The following PRKAR2A variants were observed in gnomAD, a reference collection of about 807,000 sequenced individuals.
The protein encoded by PRKAR2A is cAMP-dependent protein kinase type II-alpha regulatory subunit.
PRKAR2A carries 29 observed loss-of-function variants against 51.9 expected under a neutral mutation model. That is an observed-to-expected ratio of 0.56 (90% CI 0.42 to 0.76). The LOEUF is 0.76. Among genes scored for constraint, PRKAR2A ranks in the 30% least tolerant of loss-of-function variants. The pLI, the probability that PRKAR2A is intolerant of heterozygous loss-of-function variation, is 0.00. For missense variants in PRKAR2A, 445 were observed against 512.1 expected (o/e 0.87, Z 1.26); for synonymous variants, 178 against 186.2 (o/e 0.96, Z 0.36).
intron 2 of PRKAR2A, among the ~76,000 whole-genome samples, chr3:48,801,753 T>C (rs1187248342): frequency 6.6e-6 from 1 of 151,916 alleles, no homozygotes; most frequent in African/African-American, 2.4e-5. Context: ...TTTGTTTGTT[T>C]GAGACGGAGT....
At chr3:48,799,153 A>G (rs2082545080) in intron 2 of PRKAR2A, among the ~76,000 whole-genome samples, 1 of 152,160 alleles carries the variant, frequency 6.6e-6, no homozygotes, top group Non-Finnish European at 1.5e-5. Context: ...CACAGTACAC[A>G]AGTTACCTGG....
At chr3:48,822,664 T>G (rs576762831) in intron 1 of PRKAR2A, among the ~76,000 whole-genome samples, 1 of 151,442 alleles carries the variant, frequency 6.6e-6, no homozygotes, top group Admixed American at 6.6e-5. Flanking sequence ...TTAGTGCATC[T>G]GAATCATGCA....
intron 6 of PRKAR2A, among the ~76,000 whole-genome samples, chr3:48,771,877 A>C (rs2082034332): frequency 6.6e-6 from 1 of 151,970 alleles, no homozygotes; most frequent in South Asian, 2.1e-4. Context: ...TAATGGTGTT[A>C]AGTTCTTCTA....
chr3:48,799,814 T>C (rs566392672), intron 2 of PRKAR2A, among the ~76,000 whole-genome samples: 2 of 152,282 alleles, frequency 1.3e-5, no homozygotes, highest in South Asian at 4.1e-4. Flanking sequence ...TGTTTCGACA[T>C]GTATTTAATA....
chr3:48,816,660 C>A (rs2082879985), intron 1 of PRKAR2A, among the ~76,000 whole-genome samples: 1 of 151,982 alleles, frequency 6.6e-6, no homozygotes, highest in Non-Finnish European at 1.5e-5. Flanking sequence ...AATTTACTAA[C>A]TGGGTATACA....
At chr3:48,777,621 G>T (rs1311651285) in intron 5 of PRKAR2A, among the ~76,000 whole-genome samples, 1 of 152,082 alleles carries the variant, frequency 6.6e-6, no homozygotes, top group Non-Finnish European at 1.5e-5. Context: ...TAGCCAGGAT[G>T]GTCTCGATCT....
intron 5 of PRKAR2A, among the ~76,000 whole-genome samples, chr3:48,778,891 T>C (rs955655653): frequency 7.4e-5 from 11 of 148,268 alleles, no homozygotes; most frequent in African/African-American, 2.5e-4. Flanking sequence ...AATGGCATGA[T>C]CTCGGCTCAC....
chr3:48,802,713 T>C (rs2082610027), intron 2 of PRKAR2A, among the ~76,000 whole-genome samples: 2 of 151,970 alleles, frequency 1.3e-5, no homozygotes, highest in African/African-American at 4.8e-5. Context: ...AGAATAGAAG[T>C]AGAACAACTA....
intron 4 of PRKAR2A, among the ~76,000 whole-genome samples, chr3:48,789,381 A>G (rs1309867288): frequency 6.6e-6 from 1 of 152,152 alleles, no homozygotes; most frequent in Non-Finnish European, 1.5e-5. Flanking sequence ...CAAGTACTTA[A>G]CACGCACTGT....
chr3:48,758,709 A>G (rs1417372188), intron 8 of PRKAR2A, among the ~76,000 whole-genome samples: 1 of 152,128 alleles, frequency 6.6e-6, no homozygotes, highest in African/African-American at 2.4e-5. Flanking sequence ...ATAGAATAGA[A>G]GCTGCTAATG....
In PRKAR2A at chr3:48,847,630, C is replaced by T; in HGVS notation, c.-34G>A. 1.4e-6 allele frequency: 2 copies of T among 1,407,108 alleles called. No individual in the cohort carries two copies. The highest frequency in any genetic ancestry group is 1.5e-5 in the African/African-American group (1 of 65,482). The allele number at this position is 1,407,108 out of a possible 1,614,324, so 87.2% of individuals were successfully genotyped here. A position where few individuals can be genotyped will look rare whatever the true frequency, so the allele number is the denominator to read the frequency against. On this transcript the variant is annotated 5_prime_UTR_variant, in exon 1 of 11. Transcript: ENST00000265563. This position sits in a 1 kb window ranked among gnomAD's most constrained non-coding sequence, Gnocchi z 4.4. The stretch of plus-strand genomic sequence containing the variant: ...CGGCCGAAGGGATAGACGGGTTGGG[C>T]CGCCGGCGGCCACTGTCTCCGCGCT...
intron 10 of PRKAR2A, 127 bp downstream of exon 10, chr3:48,752,049 G>T: frequency 9.3e-7 from 1 of 1,073,148 alleles, no homozygotes; most frequent in Admixed American, 2.8e-5. Flanking sequence ...TCCATCTCTG[G>T]TTGGTCACAT....
At chr3:48,763,890 A>G (rs148844395) in intron 8 of PRKAR2A, among the ~76,000 whole-genome samples, 1 of 152,336 alleles carries the variant, frequency 6.6e-6, no homozygotes, top group Middle Eastern at 3.4e-3. Flanking sequence ...AACGGCTCCT[A>G]GAAAACAAAT....
At chr3:48,771,277 G>A (rs983474491) in intron 6 of PRKAR2A, among the ~76,000 whole-genome samples, 3 of 152,164 alleles carry the variant, frequency 2.0e-5, no homozygotes, top group African/African-American at 7.2e-5. Context: ...GGAGGCCAAG[G>A]CAGGAGGACT....
intron 5 of PRKAR2A, among the ~76,000 whole-genome samples, chr3:48,776,646 G>GC (rs2082109787): frequency 6.6e-6 from 1 of 152,058 alleles, no homozygotes; most frequent in East Asian, 1.9e-4. Context: ...TTCGAGACCA[G>GC]CCTGGCCAAC....
chr3:48,796,941 T>A (rs2082503541), intron 2 of PRKAR2A, among the ~76,000 whole-genome samples: 1 of 152,010 alleles, frequency 6.6e-6, no homozygotes, highest in Non-Finnish European at 1.5e-5. Context: ...TTACTGAGCA[T>A]TTTGTAGTGG....
At position 48,797,162 on chromosome 3, in the gene PRKAR2A, A is replaced by T. The variant is rs529169871; in HGVS notation, c.299-3113T>A. On this transcript the variant is annotated intron_variant, in intron 2 of 10. Coordinates refer to ENST00000265563, the MANE Select transcript of PRKAR2A (RefSeq NM_004157.4). ...TACCACTCCCAATTTATTTATTTTT[A>T]TTATTATTATTATTATATTTTTTGA... Among the ~76,000 whole-genome samples, 364 of 151,492 alleles carry T rather than the reference A, an allele frequency of 2.4e-3. 3 individuals are homozygous for T. Among genetic ancestry groups the T allele is most frequent in the African/African-American group, 8.2e-3 (341 of 41,354 alleles).
chr3:48,782,401 A>G (rs1263128593), intron 5 of PRKAR2A, among the ~76,000 whole-genome samples: 1 of 152,058 alleles, frequency 6.6e-6, no homozygotes. Flanking sequence ...TTTATAAAGC[A>G]CACCCTGCAC....
chr3:48,808,808 C>T (rs553558761), intron 1 of PRKAR2A, among the ~76,000 whole-genome samples: 168 of 113,978 alleles, frequency 1.5e-3, no homozygotes, highest in Non-Finnish European at 2.4e-3. Flanking sequence ...TGAGCCACCG[C>T]GCCTGGCCTG....
Sources: gnomAD v4.1 joint callset for allele counts (sites outside exome capture counted in the v4.1 genomes callset) on GRCh38, gnomAD v4.1.1 for gene constraint, Gnocchi (gnomAD v3.1) non-coding constraint, MANE v1.5 for transcripts, NCBI Gene and HGNC (gene_info 2026-07-23, HGNC 2026-07-21) for gene names.